ATP10B: variants seen among roughly 807,000 people sequenced by gnomAD.
ATP10B encodes the protein ATPase phospholipid transporting 10B (putative).
A neutral mutation model predicts 141.2 loss-of-function variants in ATP10B; 122 were observed. The observed-to-expected ratio is 0.86, with a 90% confidence interval of 0.75 to 1.00. The LOEUF (loss-of-function observed/expected upper bound fraction) is 1.00. ATP10B is among the 50% of genes least tolerant of loss of function. The probability of loss-of-function intolerance (pLI) is 0.00; values close to 1 mark genes in which losing one functional copy is unlikely to be tolerated. For missense variants in ATP10B, 1,876 were observed against 1,825.3 expected, an observed-to-expected ratio of 1.03 and a Z score of -0.51; for synonymous variants, 685 against 692.0, an observed-to-expected ratio of 0.99 and a Z score of 0.16.
chr5:160,763,719 C>A (rs1769204987), intron 2 of ATP10B, among the ~76,000 whole-genome samples: 1 of 151,900 alleles, frequency 6.6e-6, no homozygotes, highest in South Asian at 2.1e-4. Flanking sequence ...CAGAGCAGAA[C>A]TAAATGAAAT....
chr5:160,593,704 A>G (rs1017237884), intron 22 of ATP10B, among the ~76,000 whole-genome samples: 3 of 152,262 alleles, frequency 2.0e-5, no homozygotes, highest in Non-Finnish European at 4.4e-5. Flanking sequence ...ACTAATACAG[A>G]GAAGTGCTTA....
At chr5:160,690,525 C>T (rs1455875622) in intron 3 of ATP10B, among the ~76,000 whole-genome samples, 1 of 152,112 alleles carries the variant, frequency 6.6e-6, no homozygotes, top group African/African-American at 2.4e-5. Flanking sequence ...AACCAACAAT[C>T]CCATCAAAAA....
intron 3 of ATP10B, among the ~76,000 whole-genome samples, chr5:160,690,882 T>C (rs1354081337): frequency 6.6e-6 from 1 of 152,216 alleles, no homozygotes; most frequent in Non-Finnish European, 1.5e-5. Context: ...TTATAAATCA[T>C]TCTTCTACAA....
chr5:160,616,599 C>T lies in ATP10B; in HGVS notation c.2527-635G>A, dbSNP rs1009034367. 3.9e-5 allele frequency among the ~76,000 whole-genome samples: 6 copies of T among 152,350 alleles called. No individual in the cohort carries two copies. In the South Asian group the frequency reaches 1.0e-3, roughly 26 times the overall value. ...GGAGTGCCCAGTAGCTGGAATAATC[C>T]AGCTAGTGGCCACATCTTCTTCCCT... On this transcript the variant is annotated intron_variant, in intron 16 of 25. Transcript: ENST00000327245.
Position 160,634,126 on chromosome 5 carries a change from A to G in ATP10B, c.1381+228T>C, listed in dbSNP as rs767047460. ...CCAGACAAAGATCAGCTGAAGGGGA[A>G]CCACATATGGGATAACTTCTAACCT... On this transcript the variant is annotated intron_variant, in intron 12 of 25. Transcript: ENST00000327245. 3 of 680,990 alleles carry G rather than the reference A, an allele frequency of 4.4e-6. No individual in the cohort carries two copies. In the South Asian group the frequency reaches 4.7e-5, roughly 11 times the overall value. 42.2% of individuals were successfully genotyped at this position (680,990 alleles called of 1,614,324 possible).
At chr5:160,663,338 A>G (rs1561720460) in intron 7 of ATP10B, among the ~76,000 whole-genome samples, 1 of 152,236 alleles carries the variant, frequency 6.6e-6, no homozygotes, top group Non-Finnish European at 1.5e-5. Flanking sequence ...ACACATGCAC[A>G]TGTATGTTTA....
At chr5:160,615,342 C>T (rs1351712724) in intron 17 of ATP10B, among the ~76,000 whole-genome samples, 3 of 151,970 alleles carry the variant, frequency 2.0e-5, no homozygotes, top group Admixed American at 6.6e-5. Flanking sequence ...CCTCCCTCAC[C>T]CCTGTGCTAG....
chr5:160,846,546 C>T (rs1776129900), intron 1 of ATP10B, among the ~76,000 whole-genome samples: 1 of 152,094 alleles, frequency 6.6e-6, no homozygotes, highest in South Asian at 2.1e-4. Context: ...ATAATGCCAC[C>T]TGTATTCCTT....
chr5:160,867,513 G>T, the ATP10B span, among the ~76,000 whole-genome samples: 1 of 152,124 alleles, frequency 6.6e-6, no homozygotes, highest in Non-Finnish European at 1.5e-5. Flanking sequence ...CCACATAGCA[G>T]AATGTCAAGG....
intron 6 of ATP10B, among the ~76,000 whole-genome samples, chr5:160,681,236 C>G (rs558190591): frequency 6.6e-6 from 1 of 152,314 alleles, no homozygotes; most frequent in South Asian, 2.1e-4. Context: ...CATCCTAGAA[C>G]CTTTATTCTA....
At chr5:160,569,458 G>T in intron 25 of ATP10B, 38 bp downstream of exon 25, 1 of 1,607,564 alleles carries the variant, frequency 6.2e-7, no homozygotes, top group South Asian at 1.1e-5. Flanking sequence ...AGGGAGATTG[G>T]TAATTTTAGG....
At chr5:160,926,496 A>C in the ATP10B span, among the ~76,000 whole-genome samples, 7 of 152,246 alleles carry the variant, frequency 4.6e-5, no homozygotes, top group Non-Finnish European at 7.3e-5. Flanking sequence ...GAGAGACTTA[A>C]AAACAGGATC....
At chr5:160,670,344 G>A in intron 7 of ATP10B, 119 bp downstream of exon 7, 1 of 894,854 alleles carries the variant, frequency 1.1e-6, no homozygotes, top group South Asian at 1.5e-5. Flanking sequence ...AAAGTGCTAG[G>A]GAAAAGGAGG....
chr5:160,670,775 C>T (rs1762640525), intron 6 of ATP10B, 108 bp from the exon 7 acceptor site: 1 of 972,040 alleles, frequency 1.0e-6, no homozygotes, highest in African/African-American at 1.6e-5. Context: ...CCAAGTCAGC[C>T]TGTCATGAGA....
At chr5:160,927,484 C>T in the ATP10B span, among the ~76,000 whole-genome samples, 1 of 152,272 alleles carries the variant, frequency 6.6e-6, no homozygotes, top group African/African-American at 2.4e-5. Flanking sequence ...TATCTTACCC[C>T]AAGAATGAAA....
At chr5:160,738,599 C>T (rs1767274365) in intron 2 of ATP10B, among the ~76,000 whole-genome samples, 1 of 151,918 alleles carries the variant, frequency 6.6e-6, no homozygotes, top group African/African-American at 2.4e-5. Flanking sequence ...AATAAAGGAA[C>T]ATTATGAACA....
chr5:160,694,907 A>G (rs1279924542), intron 3 of ATP10B, among the ~76,000 whole-genome samples: 2 of 152,212 alleles, frequency 1.3e-5, no homozygotes, highest in African/African-American at 4.8e-5. Context: ...AGGTTTAAAG[A>G]TCTTAATTAA....
intron 1 of ATP10B, among the ~76,000 whole-genome samples, chr5:160,822,989 C>CATATATATATACATATATATATATATAT (rs1359426811): frequency 2.9e-5 from 2 of 69,702 alleles, no homozygotes; most frequent in African/African-American, 9.7e-5. Flanking sequence ...ATTACATATA[C>CATATATATATACATATATATATATATAT]ATATATATAT....
intron 2 of ATP10B, among the ~76,000 whole-genome samples, chr5:160,754,944 C>T (rs142248641): frequency 9.8e-4 from 150 of 152,332 alleles, no homozygotes; most frequent in Non-Finnish European, 1.9e-3. Flanking sequence ...CACATATAGT[C>T]ATGCTTCACC....
Sources: allele counts gnomAD v4.1 joint callset (sites outside exome capture counted in the v4.1 genomes callset), GRCh38; gene constraint gnomAD v4.1.1; transcripts MANE v1.5; gene names NCBI Gene and HGNC (gene_info 2026-07-23, HGNC 2026-07-21).